VPS54: variants seen among roughly 807,000 people sequenced by gnomAD.
The protein encoded by VPS54 is VPS54 subunit of GARP complex, also known as vacuolar protein sorting-associated protein 54.
A neutral mutation model predicts 121.5 loss-of-function variants in VPS54; 45 were observed. The ratio of observed to expected loss-of-function variants is 0.37; its 90% CI spans 0.29 to 0.47. VPS54 has a LOEUF of 0.47. Among genes scored for constraint, VPS54 ranks in the 20% least tolerant of loss-of-function variants. The pLI is 0.99. For missense variants in VPS54, 1,090 were observed against 1,131.4 expected (o/e 0.96, Z 0.52); for synonymous variants, 371 against 385.8 (o/e 0.96, Z 0.45).
chr2:64,019,236 G>A lies in VPS54; in HGVS notation c.-319C>T, dbSNP rs926386621. 3.3e-5 allele frequency among the ~76,000 whole-genome samples: 5 copies of A among 150,094 alleles called. No homozygotes were observed. Among genetic ancestry groups the A allele is most frequent in the African/African-American group, 1.2e-4 (5 of 41,176 alleles). The stretch of plus-strand genomic sequence containing the variant: ...CCCCCGGGTCCGCAGCGCCGCCTCC[G>A]CCGCTGCTGCCACCGCCTCTCCCAC... On this transcript the variant is annotated 5_prime_UTR_variant, in exon 1 of 23. Transcript: ENST00000272322.
chr2:63,976,725 T>C (rs1001731396), intron 3 of VPS54, among the ~76,000 whole-genome samples: 25 of 152,052 alleles, frequency 1.6e-4, no homozygotes, highest in African/African-American at 5.6e-4. Flanking sequence ...TTTCTGGGCA[T>C]AGAACTGTTC....
chr2:63,968,957 C>A lies in VPS54; in HGVS notation c.492G>T (p.Lys164Asn). The change falls in exon 5 of 23, where the codon AAG (lysine) becomes AAT (asparagine). Residue 164 changes from lysine to asparagine, a missense_variant and splice_region_variant. By Grantham distance (94) the Lys-to-Asn change is moderately conservative. This residue lies in a region of VPS54 where 801 missense variants were observed against 757.0 expected (regional missense o/e 1.06). Coordinates refer to ENST00000272322, the MANE Select transcript of VPS54 (RefSeq NM_016516.3). ...TTTTCTCATGTTTAAGCTTTGTTAC[C>A]TTAGGTACTTGCTCCAGATCTGTCC... The part of the protein sequence containing the change: ...KSRTDLEQVP[K>N]IFMKPDFALD... The A allele has an allele frequency of 6.2e-7, 1 of 1,603,584 alleles. No individual in the cohort carries two copies. Among genetic ancestry groups the A allele is most frequent in the East Asian group, 2.2e-5 (1 of 44,778 alleles).
At chr2:64,001,913 C>T (rs527270906) in intron 1 of VPS54, among the ~76,000 whole-genome samples, 5 of 152,224 alleles carry the variant, frequency 3.3e-5, no homozygotes, top group South Asian at 2.1e-4. Flanking sequence ...TGGTGCCGAG[C>T]CCAGTTCAGC....
intron 22 of VPS54, among the ~76,000 whole-genome samples, chr2:63,894,481 C>T (rs1672355726): frequency 6.6e-6 from 1 of 152,052 alleles, no homozygotes; most frequent in African/African-American, 2.4e-5. Flanking sequence ...GCAGGAGGAT[C>T]ACCTGAGCTC....
intron 12 of VPS54, among the ~76,000 whole-genome samples, chr2:63,926,448 G>T (rs1295302222): frequency 1.3e-5 from 2 of 152,204 alleles, no homozygotes; most frequent in Non-Finnish European, 2.9e-5. Flanking sequence ...ACTTTATGCT[G>T]TAACTGTGAC....
intron 20 of VPS54, among the ~76,000 whole-genome samples, chr2:63,905,138 TG>T (rs1246280433): frequency 6.6e-6 from 1 of 152,014 alleles, no homozygotes; most frequent in Non-Finnish European, 1.5e-5. Flanking sequence ...GCTTCTACCT[TG>T]AGAAATTAGA....
chr2:64,015,507 G>C (rs1434885166), intron 1 of VPS54, among the ~76,000 whole-genome samples: 1 of 151,980 alleles, frequency 6.6e-6, no homozygotes, highest in African/African-American at 2.4e-5. Context: ...GTTTACAATG[G>C]TACCATTGAC....
At chr2:63,996,465 C>T (rs997899464) in intron 1 of VPS54, among the ~76,000 whole-genome samples, 9 of 151,992 alleles carry the variant, frequency 5.9e-5, no homozygotes, top group East Asian at 3.9e-4. Context: ...CATGTGTGTT[C>T]GAACAATATG....
At chr2:63,990,779 G>A (rs1197430455) in intron 1 of VPS54, among the ~76,000 whole-genome samples, 1 of 152,206 alleles carries the variant, frequency 6.6e-6, no homozygotes, top group African/African-American at 2.4e-5. Flanking sequence ...AGTCACACTA[G>A]AACCTCCTAT....
intron 1 of VPS54, among the ~76,000 whole-genome samples, chr2:64,009,717 A>C (rs1678338780): frequency 6.6e-6 from 1 of 152,144 alleles, no homozygotes; most frequent in Admixed American, 6.5e-5. Context: ...TCATTTTAGC[A>C]CTTTCAAGAA....
intron 11 of VPS54, among the ~76,000 whole-genome samples, chr2:63,938,784 G>A (rs1010633585): frequency 6.6e-6 from 1 of 152,172 alleles, no homozygotes; most frequent in Non-Finnish European, 1.5e-5. Flanking sequence ...TATGTAATAG[G>A]TACAGAGTTT....
At chr2:63,990,536 C>T (rs1347368841) in intron 1 of VPS54, among the ~76,000 whole-genome samples, 1 of 152,150 alleles carries the variant, frequency 6.6e-6, no homozygotes, top group African/African-American at 2.4e-5. Context: ...CCCTTCTTCA[C>T]ACATGCACAC....
In VPS54 at chr2:63,893,264, T is replaced by C; in HGVS notation, c.*166A>G. The C allele has an allele frequency of 1.4e-6, 1 of 729,438 alleles. No homozygotes were observed. The highest frequency in any genetic ancestry group is 2.5e-6 in the Non-Finnish European group (1 of 399,012). The allele number at this position is 729,438 out of a possible 1,614,324, so 45.2% of individuals were successfully genotyped here. A position where few individuals can be genotyped will look rare whatever the true frequency, so the allele number is the denominator to read the frequency against. ...GCACAAAAATGACATTCCTTGTAGA[T>C]CCCACTGAATCCAGTTTCCCAACAC... On this transcript the variant is annotated 3_prime_UTR_variant, in exon 23 of 23. Transcript: ENST00000272322.
At chr2:63,977,907 C>T (rs1436068497) in intron 3 of VPS54, among the ~76,000 whole-genome samples, 1 of 152,158 alleles carries the variant, frequency 6.6e-6, no homozygotes, top group Non-Finnish European at 1.5e-5. Flanking sequence ...CTAAAATTTC[C>T]ACTTGTGTCC....
chr2:63,897,723 T>C, intron 21 of VPS54, 133 bp from the exon 22 acceptor site: 1 of 545,000 alleles, frequency 1.8e-6, no homozygotes, highest in Non-Finnish European at 3.1e-6. Flanking sequence ...AAAATCCTCC[T>C]CTGAAAGTAT....
At chr2:63,940,093 G>A (rs1674650849) in intron 11 of VPS54, among the ~76,000 whole-genome samples, 2 of 152,002 alleles carry the variant, frequency 1.3e-5, no homozygotes, top group African/African-American at 4.8e-5. Context: ...CATAATGTAT[G>A]TATTTTCTCC....
intron 22 of VPS54, among the ~76,000 whole-genome samples, 197 bp downstream of exon 22, chr2:63,897,299 C>T (rs1008026806): frequency 3.5e-5 from 5 of 144,762 alleles, no homozygotes; most frequent in Non-Finnish European, 6.3e-5. Flanking sequence ...AAGCAATTGT[C>T]CATGTATAAA....
Position 63,981,871 on chromosome 2 carries a change from T to A in VPS54, c.153A>T (p.Leu51Phe), listed in dbSNP as rs771766851. The change falls in exon 3 of 23, where the codon TTA becomes TTT. Residue 51 changes from leucine (L) to phenylalanine (F), a missense_variant. Leu to Phe is a conservative substitution (Grantham distance 22). This residue lies in a region of VPS54 where 801 missense variants were observed against 757.0 expected (regional missense o/e 1.06). Coordinates refer to ENST00000272322, the MANE Select transcript of VPS54 (RefSeq NM_016516.3). ...CTGTAACTAGAGATGGGGCAACATA[T>A]AAACTATGTGAATCACCTGCAAAAA... ...PKEPTGDSHS[L>F]YVAPSLVTDQ... 32 of 1,611,860 alleles carry A rather than the reference T, an allele frequency of 2.0e-5. No individual in the cohort carries two copies. The highest frequency in any genetic ancestry group is 2.6e-5 in the Non-Finnish European group (31 of 1,179,126).
intron 11 of VPS54, among the ~76,000 whole-genome samples, chr2:63,942,215 A>G (rs971002780): frequency 3.3e-5 from 5 of 152,062 alleles, no homozygotes; most frequent in African/African-American, 1.2e-4. Flanking sequence ...AGGAAATATT[A>G]CTGTATAATA....
Sources: allele counts gnomAD v4.1 joint callset (sites outside exome capture counted in the v4.1 genomes callset), GRCh38; gene constraint gnomAD v4.1.1; regional missense constraint gnomAD v4.1.1; transcripts MANE v1.5; gene names NCBI Gene and HGNC (gene_info 2026-07-23, HGNC 2026-07-21).